TENM1: variants seen among roughly 807,000 people sequenced by gnomAD.
TENM1 encodes teneurin transmembrane protein 1.
In TENM1, 35 loss-of-function variants were observed where a neutral mutation model predicts 174.8. The ratio of observed to expected loss-of-function variants is 0.20; its 90% CI spans 0.15 to 0.27. The LOEUF is 0.27. Among genes scored for constraint, TENM1 ranks in the 10% least tolerant of loss-of-function variants. The pLI is 1.00. For synonymous variants in TENM1, 781 were observed against 798.7 expected, an observed-to-expected ratio of 0.98 and a Z score of 0.37; for missense variants, 1,633 against 2,130.1, an observed-to-expected ratio of 0.77 and a Z score of 4.59.
intron 3 of TENM1, among the ~76,000 whole-genome samples, chrX:124,881,572 T>C (rs2057302754): frequency 9.0e-6 from 1 of 111,207 alleles, no homozygotes; most frequent in South Asian, 3.8e-4. Flanking sequence ...TGGGGTTTAG[T>C]ATGTTCTTGC....
At chrX:125,120,832 C>G in the TENM1 span, among the ~76,000 whole-genome samples, 3 of 110,651 alleles carry the variant, frequency 2.7e-5, no homozygotes, top group South Asian at 7.7e-4. Context: ...CAAATATTTG[C>G]TTACTGCTGC....
chrX:125,159,920 C>G, the TENM1 span, among the ~76,000 whole-genome samples: 4 of 111,717 alleles, frequency 3.6e-5, no homozygotes, highest in African/African-American at 1.3e-4. Flanking sequence ...AAATTGGAGG[C>G]AGGGCATGGT....
intron 3 of TENM1, among the ~76,000 whole-genome samples, chrX:124,803,912 T>G (rs2055520626): frequency 8.9e-6 from 1 of 112,400 alleles, no homozygotes; most frequent in Admixed American, 9.4e-5. Flanking sequence ...AAGCATTGGG[T>G]AATTAAGACT....
At chrX:124,795,023 A>T (rs1365132680) in intron 3 of TENM1, among the ~76,000 whole-genome samples, 1 of 111,451 alleles carries the variant, frequency 9.0e-6, no homozygotes, top group Non-Finnish European at 1.9e-5. Flanking sequence ...CCCTACTGTT[A>T]ACGTAGTTTC....
intron 21 of TENM1, among the ~76,000 whole-genome samples, chrX:124,485,625 G>T (rs2283766): frequency 0.012 from 1,282 of 111,247 alleles, 29 homozygotes; most frequent in East Asian, 0.092. Flanking sequence ...ATGCTATTTT[G>T]CTATTTGCAC....
chrX:124,813,416 T>C (rs2055827234), intron 3 of TENM1, among the ~76,000 whole-genome samples: 1 of 111,700 alleles, frequency 9.0e-6, no homozygotes. Context: ...TTAATATTTA[T>C]CAAAATAAAA....
the TENM1 span, among the ~76,000 whole-genome samples, chrX:125,022,896 C>G: frequency 9.0e-6 from 1 of 111,672 alleles, no homozygotes; most frequent in East Asian, 2.8e-4. Flanking sequence ...CAGTAATCAT[C>G]TGTTTAAATA....
At chrX:124,876,256 G>T (rs765050723) in intron 3 of TENM1, among the ~76,000 whole-genome samples, 7 of 111,425 alleles carry the variant, frequency 6.3e-5, no homozygotes, top group Non-Finnish European at 9.4e-5. Flanking sequence ...TAAAATGTTG[G>T]TTTTTATCAA....
intron 22 of TENM1, among the ~76,000 whole-genome samples, chrX:124,462,798 A>G (rs1022706185): frequency 4.5e-5 from 5 of 111,858 alleles, no homozygotes; most frequent in Non-Finnish European, 5.6e-5. Flanking sequence ...CCATGCATTT[A>G]TACTGAAACA....
chrX:125,030,289 G>A, the TENM1 span, among the ~76,000 whole-genome samples: 1 of 111,602 alleles, frequency 9.0e-6, no homozygotes, highest in Middle Eastern at 4.6e-3. Flanking sequence ...GACTTTCATG[G>A]GAAAATACAT....
At chrX:125,076,020 T>C in the TENM1 span, among the ~76,000 whole-genome samples, 1 of 112,053 alleles carries the variant, frequency 8.9e-6, no homozygotes, top group African/African-American at 3.2e-5. Flanking sequence ...GACTTCTTCC[T>C]AAATCCAAAA....
At chrX:125,200,760 T>C in the TENM1 span, among the ~76,000 whole-genome samples, 77 of 110,419 alleles carry the variant, frequency 7.0e-4, 1 homozygote, top group East Asian at 0.021. Flanking sequence ...CTGGTCTTCT[T>C]TTGACCTCTG....
the TENM1 span, among the ~76,000 whole-genome samples, chrX:125,144,749 T>C: frequency 9.2e-6 from 1 of 109,238 alleles, no homozygotes; most frequent in East Asian, 2.9e-4. Flanking sequence ...TAATTTTTTT[T>C]TTTTTTTTGA....
At chrX:125,136,739 T>C in the TENM1 span, among the ~76,000 whole-genome samples, 4 of 111,493 alleles carry the variant, frequency 3.6e-5, no homozygotes, top group Non-Finnish European at 7.5e-5. Context: ...AAATTAACAA[T>C]AGAACAATAA....
chrX:124,538,914 T>C (rs2048260799), intron 15 of TENM1, among the ~76,000 whole-genome samples: 1 of 111,699 alleles, frequency 9.0e-6, no homozygotes, highest in African/African-American at 3.3e-5. Flanking sequence ...ATTCTAGGAT[T>C]AACACTAATT....
intron 6 of TENM1, among the ~76,000 whole-genome samples, chrX:124,656,341 G>C (rs1326162425): frequency 8.9e-6 from 1 of 111,999 alleles, no homozygotes; most frequent in Non-Finnish European, 1.9e-5. Context: ...TTGTGTTGTT[G>C]GGCTTCTCTG....
the TENM1 span, among the ~76,000 whole-genome samples, chrX:125,198,344 A>C: frequency 1.8e-5 from 2 of 111,850 alleles, no homozygotes; most frequent in East Asian, 2.8e-4. Context: ...TTTTCCTATC[A>C]TCACTAACTA....
chrX:124,780,821 A>G (rs1286361322), intron 3 of TENM1, among the ~76,000 whole-genome samples: 1 of 111,740 alleles, frequency 8.9e-6, no homozygotes, highest in East Asian at 2.8e-4. Flanking sequence ...AGGGAACACT[A>G]GGTTCAGGGA....
intron 1 of TENM1, among the ~76,000 whole-genome samples, chrX:124,955,489 T>G (rs1295644167): frequency 9.0e-6 from 1 of 111,533 alleles, no homozygotes; most frequent in Admixed American, 9.6e-5. Flanking sequence ...GTGATACTCA[T>G]TCCTTTTTGT....
Sources: allele counts gnomAD v4.1 joint callset (sites outside exome capture counted in the v4.1 genomes callset), GRCh38; gene constraint gnomAD v4.1.1; transcripts MANE v1.5; gene names NCBI Gene and HGNC (gene_info 2026-07-23, HGNC 2026-07-21).